DNAAF8: variants seen among roughly 807,000 people sequenced by gnomAD.
The protein encoded by DNAAF8 is dynein axonemal assembly factor 8.
A neutral mutation model predicts 54.6 loss-of-function variants in DNAAF8; 61 were observed. The ratio of observed to expected loss-of-function variants is 1.12; its 90% confidence interval spans 0.91 to 1.38. The LOEUF (loss-of-function observed/expected upper bound fraction) is 1.38. Ranked by LOEUF, DNAAF8 falls within the 40% of genes most tolerant of loss-of-function variation. The probability of loss-of-function intolerance (pLI) is 0.00; values close to 1 mark genes in which losing one functional copy is unlikely to be tolerated. For missense variants in DNAAF8, 837 were observed against 665.0 expected (o/e 1.26, Z -2.85); for synonymous variants, 320 against 270.1 (o/e 1.18, Z -1.81).
chr16:4,747,717 T>A, intron 9 of DNAAF8, 83 bp downstream of exon 9: 1 of 1,428,544 alleles, frequency 7.0e-7, no homozygotes, highest in Non-Finnish European at 9.3e-7. Context: ...GTTCCTGCAT[T>A]TCCACTAGCA....
intron 6 of DNAAF8, among the ~76,000 whole-genome samples, chr16:4,745,956 AAAAAAAAAAAAAAG>A (rs1263864048): frequency 2.6e-5 from 4 of 151,150 alleles, no homozygotes; most frequent in Non-Finnish European, 4.4e-5. Flanking sequence ...CTGTCTCAAA[AAAAAAAAAAAAAAG>A]AAAAAGAAAA....
At chr16:4,741,004 A>G (rs539996510) in intron 4 of DNAAF8, among the ~76,000 whole-genome samples, 3 of 151,560 alleles carry the variant, frequency 2.0e-5, no homozygotes, top group African/African-American at 7.3e-5. Flanking sequence ...TGAGACCCTC[A>G]TCTCTAAAAA....
Position 4,747,650 on chromosome 16 carries a change from G to C in DNAAF8, c.*9+16G>C. On this transcript the variant is annotated intron_variant, in intron 9 of 9. Coordinates refer to ENST00000299320, the MANE Select transcript of DNAAF8 (RefSeq NM_139170.3). ...GCTGCCTCAGGTAGTGGGATCCCAG[G>C]AGTGGGCAGGGGCGGGCTGACTTGC... The C allele has an allele frequency of 6.3e-7, 1 of 1,586,932 alleles. No homozygotes were observed.
chr16:4,737,750 G>A, intron 2 of DNAAF8, 50 bp from the exon 3 acceptor site: 1 of 1,604,116 alleles, frequency 6.2e-7, no homozygotes. Flanking sequence ...TAGGCCCTCA[G>A]GGCTCTGCCT....
rs746487461 is a variant in DNAAF8 at position 4,746,455 on chromosome 16, C to A, written c.1124C>A (p.Pro375His). Residue 375 changes from proline to histidine, a missense_variant, in exon 7 of 10, where the codon CCC (proline) becomes CAC (histidine). Transcript: ENST00000299320. Reference protein sequence around the residue: ...AQGMRLNAESPTIFIDLRQME... With the variant: ...AQGMRLNAESHTIFIDLRQME... ...GGCATGAGGCTTAACGCAGAGTCCC[C>A]CACCATCTTTATTGACCTGCGGCAG... 9.9e-6 allele frequency: 16 copies of A among 1,613,776 alleles called. No homozygotes were observed. The highest frequency in any genetic ancestry group is 6.8e-6 in the Non-Finnish European group (8 of 1,179,972).
chr16:4,749,269 G>A lies in DNAAF8; in HGVS notation c.*554G>A, dbSNP rs990856077. 3.2e-5 allele frequency: 5 copies of A among 154,476 alleles called. No individual in the cohort carries two copies. The highest frequency in any genetic ancestry group is 7.3e-5 in the Non-Finnish European group (5 of 68,240). The allele number at this position is 154,476 out of a possible 1,614,324, so 9.6% of individuals were successfully genotyped here. Reference sequence around the variant, plus strand: ...TGGCGGCCTCCGCTGTGGCTGCCTAGCTGTCAAGAGCAAAGGCTTTTTTTT... The same window carrying A: ...TGGCGGCCTCCGCTGTGGCTGCCTAACTGTCAAGAGCAAAGGCTTTTTTTT... On this transcript the variant is annotated 3_prime_UTR_variant, in exon 10 of 10. Coordinates refer to ENST00000299320, the MANE Select transcript of DNAAF8 (RefSeq NM_139170.3).
intron 3 of DNAAF8, among the ~76,000 whole-genome samples, chr16:4,739,267 T>TG (rs2081933060): frequency 7.8e-6 from 1 of 128,456 alleles, no homozygotes; most frequent in Non-Finnish European, 1.7e-5. Context: ...TTTTTCTTGT[T>TG]TTTTTTTTTT....
At chr16:4,737,297 C>T (rs565158172) in intron 2 of DNAAF8, among the ~76,000 whole-genome samples, 3 of 152,270 alleles carry the variant, frequency 2.0e-5, no homozygotes, top group South Asian at 2.1e-4. Flanking sequence ...CAGTGCATGA[C>T]GAGGCTAAGG....
chr16:4,736,433 A>C, intron 1 of DNAAF8, 31 bp from the exon 2 acceptor site: 1 of 1,364,148 alleles, frequency 7.3e-7, no homozygotes, highest in Non-Finnish European at 9.6e-7. Context: ...AGTGGCCCGG[A>C]CCCTCTTCCA....
In DNAAF8 at chr16:4,746,428, A is replaced by G. The variant is rs751625199; in HGVS notation, c.1097A>G (p.Gln366Arg). 1 of 1,613,484 alleles carries G rather than the reference A, an allele frequency of 6.2e-7. No individual in the cohort carries two copies. The highest frequency in any genetic ancestry group is 1.7e-5 in the Admixed American group (1 of 60,016). Residue 366 changes from glutamine to arginine, a missense_variant, in exon 7 of 10, where the codon CAG becomes CGG. Physicochemically the swap from Gln to Arg is conservative, Grantham distance 43. Coordinates refer to ENST00000299320, the MANE Select transcript of DNAAF8 (RefSeq NM_139170.3). ...GCTGGGCCAGGCCCGCAGCTGGCCC[A>G]GGGCATGAGGCTTAACGCAGAGTCC... ...SQAGPGPQLAQGMRLNAESPT... is the reference protein window; with the variant it reads ...SQAGPGPQLARGMRLNAESPT...
chr16:4,735,447 G>C (rs2081874626), intron 1 of DNAAF8, among the ~76,000 whole-genome samples: 1 of 152,064 alleles, frequency 6.6e-6, no homozygotes, highest in Non-Finnish European at 1.5e-5. Context: ...CCTGATTGGG[G>C]ATGAACGGGC....
intron 4 of DNAAF8, among the ~76,000 whole-genome samples, chr16:4,742,421 T>C (rs371114713): frequency 1.3e-5 from 2 of 151,872 alleles, no homozygotes; most frequent in African/African-American, 4.8e-5. Flanking sequence ...CTGGGCGTGG[T>C]GGCTCACACC....
rs141617340 is a variant in DNAAF8, at chr16:4,745,016, G to A, written c.1043+5G>A. On this transcript the variant is annotated splice_donor_5th_base_variant and intron_variant, in intron 6 of 9. Transcript: ENST00000299320. ...AGAGGCAGATTCAGGAAGCAGGTGGGACTTGTAGCCAGGCCCGGCTCCTGT... is the reference window on the plus strand; with the variant it reads ...AGAGGCAGATTCAGGAAGCAGGTGGAACTTGTAGCCAGGCCCGGCTCCTGT... The A allele has an allele frequency of 4.8e-4, 780 of 1,612,460 alleles. 11 individuals are homozygous for A. In the East Asian group the frequency reaches 0.015, roughly 30 times the overall value.
At position 4,746,359 on chromosome 16, in the gene DNAAF8, G is replaced by A; in HGVS notation, c.1044-16G>A. On this transcript the variant is annotated splice_polypyrimidine_tract_variant and intron_variant, in intron 6 of 9. Coordinates refer to ENST00000299320, the MANE Select transcript of DNAAF8 (RefSeq NM_139170.3). Reference sequence around the variant, plus strand: ...ACAGAGAACTGACTCCACAACACCTGCTTTTCTCATTTCAGATGTGCCTCA... The same window carrying A: ...ACAGAGAACTGACTCCACAACACCTACTTTTCTCATTTCAGATGTGCCTCA... The A allele has an allele frequency of 2.5e-6, 4 of 1,607,286 alleles. No homozygotes were observed. Among genetic ancestry groups the A allele is most frequent in the South Asian group, 1.1e-5 (1 of 90,526 alleles).
rs2081904641 is a variant in DNAAF8 at position 4,736,614 on chromosome 16, C to G, written c.100C>G (p.Leu34Val). ...DAILKAVKDQ[L>V]PSLDSDSPLS... is the part of the protein sequence containing the mutation. ...CATCCTCAAGGCTGTCAAAGACCAG[C>G]TCCCGTCTCTGGACTCAGACTCCCC... The change falls in exon 2 of 10, where the codon CTC (leucine) becomes GTC (valine). Residue 34 changes from leucine (L) to valine (V), a missense_variant. Transcript: ENST00000299320. 1 of 1,585,084 alleles carries G rather than the reference C, an allele frequency of 6.3e-7. No homozygotes were observed. The highest frequency in any genetic ancestry group is 1.1e-5 in the South Asian group (1 of 87,700).
chr16:4,744,153 G>A (rs1477356270), intron 5 of DNAAF8, among the ~76,000 whole-genome samples: 2 of 151,892 alleles, frequency 1.3e-5, no homozygotes, highest in Non-Finnish European at 1.5e-5. Flanking sequence ...GGCTGGTCTC[G>A]AACTCCTGAC....
chr16:4,746,648 T>G, intron 7 of DNAAF8, 136 bp downstream of exon 7: 1 of 1,238,472 alleles, frequency 8.1e-7, no homozygotes, highest in South Asian at 1.5e-5. Context: ...AATTGAAAAG[T>G]GCTGGCCTAC....
chr16:4,735,270 C>G (rs1489863944), intron 1 of DNAAF8: 1 of 152,230 alleles, frequency 6.6e-6, no homozygotes, highest in African/African-American at 2.4e-5. Flanking sequence ...AAATACTGTG[C>G]CCTGAATTGC....
rs571361276 is a variant in DNAAF8 at position 4,746,673 on chromosome 16, C to A, written c.1181+161C>A. 3.7e-6 allele frequency: 4 copies of A among 1,069,680 alleles called. No homozygotes were observed. In the East Asian group the frequency reaches 1.1e-4, roughly 28 times the overall value. 66.3% of individuals were successfully genotyped at this position (1,069,680 alleles called of 1,614,324 possible). On this transcript the variant is annotated intron_variant, in intron 7 of 9. Transcript: ENST00000299320. ...TGCTGGCCTACAGTCCCCCTGGGTC[C>A]CTGCAGGGAGGGAAGAGGGGCATGA...
Sources: allele counts gnomAD v4.1 joint callset (sites outside exome capture counted in the v4.1 genomes callset), GRCh38; gene constraint gnomAD v4.1.1; transcripts MANE v1.5; gene names NCBI Gene and HGNC (gene_info 2026-07-23, HGNC 2026-07-21).